Variants in ASPH observed in about 807,000 individuals in gnomAD.
ASPH encodes the protein aspartate beta-hydroxylase, also known as aspartyl/asparaginyl beta-hydroxylase.
Under a neutral mutation model 118.4 loss-of-function variants are expected in ASPH, and 100 were observed. That is an observed-to-expected ratio of 0.84 (90% CI 0.72 to 1.00). The LOEUF is 1.00. Among genes scored for constraint, ASPH ranks in the 50% least tolerant of loss-of-function variants. ASPH has a pLI of 0.00. For missense variants in ASPH, 920 were observed against 919.5 expected, an observed-to-expected ratio of 1.00 and a Z score of -0.01; for synonymous variants, 315 against 325.6, an observed-to-expected ratio of 0.97 and a Z score of 0.35.
At position 61,610,089 on chromosome 8, in the gene ASPH, A is replaced by AT. The variant is rs375267618; in HGVS notation, c.976+8888dup. The stretch of plus-strand genomic sequence containing the variant: ...TCATTTTAAAACATACCAATACCTG[A>AT]TTTTTTTTTCCTTAAGAAAAGTATT... On this transcript the variant is annotated intron_variant, in intron 14 of 24. Transcript: ENST00000379454. Among the ~76,000 whole-genome samples the AT allele has an allele frequency of 1.4e-4, 21 of 151,808 alleles. No homozygotes were observed. In the East Asian group the frequency reaches 2.3e-3, roughly 17 times the overall value.
intron 19 of ASPH, among the ~76,000 whole-genome samples, chr8:61,554,939 C>G (rs1343808397): frequency 6.6e-6 from 1 of 152,086 alleles, no homozygotes; most frequent in African/African-American, 2.4e-5. Flanking sequence ...GTCTCAAACT[C>G]TTATCCTCAA....
intron 4 of ASPH, chr8:61,651,348 C>T (rs1302650307): frequency 1.1e-5 from 4 of 374,282 alleles, no homozygotes; most frequent in Non-Finnish European, 1.9e-5. Context: ...CATTAAAATA[C>T]TTTCAATAAG....
At chr8:61,506,065 G>A (rs1806435309) in intron 24 of ASPH, among the ~76,000 whole-genome samples, 1 of 152,188 alleles carries the variant, frequency 6.6e-6, no homozygotes, top group South Asian at 2.1e-4. Context: ...GAAGGTGAGA[G>A]CCACCCACGT....
intron 1 of ASPH, among the ~76,000 whole-genome samples, chr8:61,688,479 G>T (rs1048032118): frequency 6.6e-6 from 1 of 152,104 alleles, no homozygotes; most frequent in South Asian, 2.1e-4. Context: ...TATTTATTTG[G>T]TTGAGGAAAG....
chr8:61,554,827 T>A (rs1473210661), intron 19 of ASPH, among the ~76,000 whole-genome samples: 1 of 152,232 alleles, frequency 6.6e-6, no homozygotes, highest in Non-Finnish European at 1.5e-5. Context: ...AGCCTCGACC[T>A]CCTGGGCCTG....
chr8:61,603,577 A>G (rs1844733181), intron 14 of ASPH, among the ~76,000 whole-genome samples: 1 of 152,204 alleles, frequency 6.6e-6, no homozygotes, highest in Non-Finnish European at 1.5e-5. Context: ...CCATTGCATT[A>G]GTTTGCTTAT....
intron 18 of ASPH, among the ~76,000 whole-genome samples, chr8:61,562,391 G>C (rs13263497): frequency 0.19 from 4,220 of 22,780 alleles, 167 homozygotes; most frequent in African/African-American, 0.29. Flanking sequence ...AAGTGTGTCT[G>C]TGTGTGTGTG....
intron 9 of ASPH, 54 bp downstream of exon 9, chr8:61,643,332 G>T: frequency 6.5e-7 from 1 of 1,540,566 alleles, no homozygotes; most frequent in South Asian, 1.2e-5. Context: ...CACAGCATGT[G>T]ATTGAAAAAT....
intron 13 of ASPH, among the ~76,000 whole-genome samples, chr8:61,629,912 C>G (rs903460904): frequency 1.1e-4 from 16 of 152,166 alleles, no homozygotes; most frequent in Admixed American, 8.5e-4. Flanking sequence ...GCTCTGTGAC[C>G]TGGGGAAGGT....
chr8:61,695,604 G>T (rs1050101724), intron 1 of ASPH, among the ~76,000 whole-genome samples: 15 of 152,154 alleles, frequency 9.9e-5, no homozygotes, highest in African/African-American at 2.9e-4. Context: ...TCTCACAGCA[G>T]TGTGCACCTC....
chr8:61,547,952 A>T (rs907107809), intron 21 of ASPH, 119 bp downstream of exon 21: 108 of 1,371,372 alleles, frequency 7.9e-5, no homozygotes, highest in Non-Finnish European at 9.8e-5. Context: ...TATTTTGCAA[A>T]TGTCACTAGA....
chr8:61,523,317 TTTC>T (rs199716362), intron 22 of ASPH, among the ~76,000 whole-genome samples: 10,962 of 146,320 alleles, frequency 0.075, 405 homozygotes, highest in Non-Finnish European at 0.11. Flanking sequence ...TCTTTCTTTC[TTTC>T]TTTTTTTTTT....
chr8:61,558,692 G>T (rs1044039553), intron 18 of ASPH, among the ~76,000 whole-genome samples: 1 of 152,118 alleles, frequency 6.6e-6, no homozygotes, highest in Non-Finnish European at 1.5e-5. Flanking sequence ...TTTGTGCGTG[G>T]GTACCATGCT....
intron 21 of ASPH, among the ~76,000 whole-genome samples, chr8:61,530,650 A>C (rs1817232399): frequency 6.6e-6 from 1 of 152,202 alleles, no homozygotes; most frequent in African/African-American, 2.4e-5. Context: ...TTGAGAAGCA[A>C]ACTAAAGCCT....
At chr8:61,579,532 G>T in intron 15 of ASPH, 1 of 1,551,610 alleles carries the variant, frequency 6.4e-7, no homozygotes, top group Non-Finnish European at 8.8e-7. Context: ...CTCAGCTACG[G>T]CCTGGGCTCC....
At chr8:61,513,970 T>A (rs190167469) in intron 24 of ASPH, among the ~76,000 whole-genome samples, 1 of 152,198 alleles carries the variant, frequency 6.6e-6, no homozygotes, top group Non-Finnish European at 1.5e-5. Flanking sequence ...CTGAGGCAGG[T>A]CTCCCAGCAT....
At chr8:61,539,622 G>C (rs945853972) in intron 21 of ASPH, among the ~76,000 whole-genome samples, 1 of 151,160 alleles carries the variant, frequency 6.6e-6, no homozygotes, top group Non-Finnish European at 1.5e-5. Context: ...CCCTGGTGCC[G>C]GCTGTGACCA....
intron 5 of ASPH, among the ~76,000 whole-genome samples, chr8:61,648,885 G>C (rs1185879120): frequency 6.6e-6 from 1 of 152,194 alleles, no homozygotes; most frequent in Admixed American, 6.5e-5. Context: ...GGGAGGTTAT[G>C]CTCAGTCTGA....
intron 14 of ASPH, among the ~76,000 whole-genome samples, chr8:61,596,413 C>T (rs1222073419): frequency 6.6e-6 from 1 of 152,228 alleles, no homozygotes; most frequent in Non-Finnish European, 1.5e-5. Context: ...CCTGCCTGCC[C>T]ACTGCAGCCA....
Sources: allele counts gnomAD v4.1 joint callset (sites outside exome capture counted in the v4.1 genomes callset), GRCh38; gene constraint gnomAD v4.1.1; transcripts MANE v1.5; gene names NCBI Gene and HGNC (gene_info 2026-07-23, HGNC 2026-07-21).